Variants in CDH12 observed in about 807,000 individuals in gnomAD.
The protein encoded by CDH12 is cadherin-12.
In CDH12, 41 loss-of-function variants were observed where a neutral mutation model predicts 74.1. That is an observed-to-expected ratio of 0.55 (90% CI 0.43 to 0.72). The LOEUF is 0.72. Among genes scored for constraint, CDH12 ranks in the 30% least tolerant of loss-of-function variants. The pLI is 0.00. For synonymous variants in CDH12, 399 were observed against 355.0 expected, an observed-to-expected ratio of 1.12 and a Z score of -1.39; for missense variants, 945 against 977.2, an observed-to-expected ratio of 0.97 and a Z score of 0.44.
intron 4 of CDH12, among the ~76,000 whole-genome samples, chr5:22,207,543 T>C (rs932025575): frequency 2.6e-5 from 4 of 152,216 alleles, no homozygotes; most frequent in East Asian, 3.9e-4. Context: ...AGTTAGATTG[T>C]TGACTACCAG....
At chr5:22,688,411 A>G (rs1420857616) in intron 1 of CDH12, among the ~76,000 whole-genome samples, 5 of 152,228 alleles carry the variant, frequency 3.3e-5, no homozygotes, top group Non-Finnish European at 5.9e-5. Context: ...AATTATTTTC[A>G]CATCTTTTGA....
chr5:21,901,704 T>A (rs1753393443), intron 6 of CDH12, among the ~76,000 whole-genome samples: 1 of 152,104 alleles, frequency 6.6e-6, no homozygotes, highest in African/African-American at 2.4e-5. Context: ...CCACATATGA[T>A]TTTCCAACCA....
chr5:21,934,137 C>G (rs1754968761), intron 6 of CDH12, among the ~76,000 whole-genome samples: 1 of 152,172 alleles, frequency 6.6e-6, no homozygotes, highest in Admixed American at 6.5e-5. Context: ...CTCACACACA[C>G]ACACACATTT....
intron 3 of CDH12, among the ~76,000 whole-genome samples, chr5:22,311,488 G>T (rs1013822388): frequency 6.6e-6 from 1 of 151,962 alleles, no homozygotes. Flanking sequence ...GTGGATCAGA[G>T]GTGAGGAGTT....
intron 3 of CDH12, among the ~76,000 whole-genome samples, chr5:22,380,513 A>G (rs1473715210): frequency 7.1e-6 from 1 of 140,476 alleles, no homozygotes; most frequent in Non-Finnish European, 1.6e-5. Context: ...TTTTATGCTT[A>G]TCATTTTATG....
intron 1 of CDH12, among the ~76,000 whole-genome samples, chr5:22,843,023 A>G (rs1482758360): frequency 6.6e-6 from 1 of 152,062 alleles, no homozygotes; most frequent in Non-Finnish European, 1.5e-5. Flanking sequence ...AATTGAAATT[A>G]TCTTATTTTC....
At chr5:22,153,924 AC>A in intron 4 of CDH12, among the ~76,000 whole-genome samples, 1 of 145,588 alleles carries the variant, frequency 6.9e-6, no homozygotes, top group African/African-American at 2.5e-5. Flanking sequence ...ACACACACAC[AC>A]ACAAACATAT....
intron 8 of CDH12, among the ~76,000 whole-genome samples, chr5:21,822,591 A>T (rs1002027544): frequency 2.0e-5 from 3 of 152,074 alleles, no homozygotes; most frequent in Admixed American, 6.6e-5. Context: ...ATTTTAGTCA[A>T]GCATACTAAA....
At chr5:22,772,674 T>C (rs1183482367) in intron 1 of CDH12, among the ~76,000 whole-genome samples, 3 of 152,092 alleles carry the variant, frequency 2.0e-5, no homozygotes, top group East Asian at 3.9e-4. Context: ...TGTAAAAGTA[T>C]ATGAGAGCAA....
chr5:22,737,636 T>TA (rs1744809630), intron 1 of CDH12, among the ~76,000 whole-genome samples: 1 of 151,966 alleles, frequency 6.6e-6, no homozygotes, highest in Non-Finnish European at 1.5e-5. Flanking sequence ...ATCTCTACCT[T>TA]AAAAAACATC....
intron 4 of CDH12, among the ~76,000 whole-genome samples, chr5:22,202,517 G>T (rs567280444): frequency 8.5e-5 from 13 of 152,258 alleles, no homozygotes; most frequent in African/African-American, 3.1e-4. Context: ...AAAAAGCTCA[G>T]AAGTTCTCCT....
intron 1 of CDH12, among the ~76,000 whole-genome samples, chr5:22,544,771 T>C (rs1023735010): frequency 4.0e-5 from 6 of 151,696 alleles, no homozygotes; most frequent in Non-Finnish European, 8.8e-5. Context: ...GAATTGATAT[T>C]GCACCACTGT....
intron 4 of CDH12, among the ~76,000 whole-genome samples, chr5:22,121,643 A>G (rs75994680): frequency 0.058 from 8,895 of 152,266 alleles, 296 homozygotes; most frequent in South Asian, 0.12. Context: ...TAAATACAGT[A>G]TAAGCTGTAT....
chr5:22,512,198 C>A (rs1207163668), intron 1 of CDH12, among the ~76,000 whole-genome samples: 1 of 151,952 alleles, frequency 6.6e-6, no homozygotes, highest in East Asian at 1.9e-4. Context: ...ACGAGGGCAA[C>A]AAAAGACTAT....
At chr5:21,839,954 A>C (rs1324370997) in intron 8 of CDH12, among the ~76,000 whole-genome samples, 2 of 152,170 alleles carry the variant, frequency 1.3e-5, no homozygotes, top group Admixed American at 1.3e-4. Flanking sequence ...GTGAGAACTC[A>C]TTTTCAACAA....
intron 1 of CDH12, among the ~76,000 whole-genome samples, chr5:22,630,275 A>C (rs1489747803): frequency 6.6e-6 from 1 of 152,168 alleles, no homozygotes; most frequent in Non-Finnish European, 1.5e-5. Context: ...TAAAATTCAT[A>C]TGGAACCAAA....
At chr5:21,753,185 G>A (rs1159521717) in intron 14 of CDH12, among the ~76,000 whole-genome samples, 2 of 152,178 alleles carry the variant, frequency 1.3e-5, no homozygotes, top group Non-Finnish European at 2.9e-5. Context: ...ATTTACCAGA[G>A]CAGAGTCTGG....
At chr5:21,896,009 G>A (rs1292105373) in intron 6 of CDH12, among the ~76,000 whole-genome samples, 2 of 152,168 alleles carry the variant, frequency 1.3e-5, no homozygotes, top group African/African-American at 4.8e-5. Flanking sequence ...GCTAGCAGAT[G>A]TGCAGAGGTG....
At chr5:22,643,827 AT>A (rs1739292646) in intron 1 of CDH12, among the ~76,000 whole-genome samples, 2 of 135,992 alleles carry the variant, frequency 1.5e-5, no homozygotes, top group South Asian at 4.7e-4. Flanking sequence ...TTCCAACGGC[AT>A]GTGCTTACTT....
Sources: allele counts gnomAD v4.1 joint callset (sites outside exome capture counted in the v4.1 genomes callset), GRCh38; gene constraint gnomAD v4.1.1; transcripts MANE v1.5; gene names NCBI Gene and HGNC (gene_info 2026-07-23, HGNC 2026-07-21).